Variants in NSA2 observed in about 807,000 individuals in gnomAD.
The protein encoded by NSA2 is NSA2 ribosome biogenesis factor.
Under a neutral mutation model 34.8 loss-of-function variants are expected in NSA2, and 18 were observed. The ratio of observed to expected loss-of-function variants is 0.52; its 90% confidence interval spans 0.36 to 0.77. NSA2 has a LOEUF of 0.77. NSA2 is among the 30% of genes least tolerant of loss of function. The pLI, the probability that NSA2 is intolerant of heterozygous loss-of-function variation, is 0.00. For missense variants in NSA2, 188 were observed against 314.7 expected (o/e 0.60, Z 3.05); for synonymous variants, 79 against 100.2 (o/e 0.79, Z 1.26).
rs1482206544 is a variant in NSA2 at position 74,778,885 on chromosome 5, G to C, written c.*2214G>C. On this transcript the variant is annotated 3_prime_UTR_variant, in exon 6 of 6. Transcript: ENST00000610426. Reference sequence around the variant, plus strand: ...ATCACATTTTCAGTCCTCTGTAATTGTGAAATTTTTTCTAATGCCTTGCAA... The same window carrying C: ...ATCACATTTTCAGTCCTCTGTAATTCTGAAATTTTTTCTAATGCCTTGCAA... 1 of 152,030 alleles carries C rather than the reference G, an allele frequency of 6.6e-6. No homozygotes were observed. Among genetic ancestry groups the C allele is most frequent in the Non-Finnish European group, 1.5e-5 (1 of 67,910 alleles). 9.4% of individuals were successfully genotyped at this position (152,030 alleles called of 1,614,324 possible).
rs1378867619 is a variant in NSA2 at position 74,776,849 on chromosome 5, A to AC, written c.*182dup. 3 of 458,160 alleles carry AC rather than the reference A, an allele frequency of 6.5e-6. No homozygotes were observed. Among genetic ancestry groups the AC allele is most frequent in the Admixed American group, 4.0e-5 (1 of 24,946 alleles). 28.4% of individuals were successfully genotyped at this position (458,160 alleles called of 1,614,324 possible). A position where few individuals can be genotyped will look rare whatever the true frequency, so the allele number is the denominator to read the frequency against. On this transcript the variant is annotated 3_prime_UTR_variant, in exon 6 of 6. Transcript: ENST00000610426. ...GGTCTTTATTTTGAAATACGCTTTG[A>AC]CCCCATGTTCATAAAACTGAATGAT...
chr5:74,774,145 C>T (rs1490898637), intron 5 of NSA2, 85 bp downstream of exon 5: 40 of 953,046 alleles, frequency 4.2e-5, no homozygotes, highest in Non-Finnish European at 5.8e-5. Flanking sequence ...ATAAAATATA[C>T]AGCAAATTTT....
intron 3 of NSA2, among the ~76,000 whole-genome samples, chr5:74,769,920 G>A (rs1448453395): frequency 1.3e-5 from 2 of 152,182 alleles, no homozygotes; most frequent in Admixed American, 6.5e-5. Flanking sequence ...TGAGGATTTT[G>A]TCTTGCTAGT....
intron 3 of NSA2, among the ~76,000 whole-genome samples, chr5:74,769,942 C>T (rs2314938): frequency 0.024 from 3,644 of 152,242 alleles, 145 homozygotes; most frequent in African/African-American, 0.084. Context: ...ATCTACAGAT[C>T]CATCTCGGGA....
rs1245892196 is a variant in NSA2 at position 74,778,997 on chromosome 5, G to A, written c.*2326G>A. ...ATTCTATACTCAAGTTACTGAACAT[G>A]AGAGTTAGGTTTTTCCAAGTGATCT... On this transcript the variant is annotated 3_prime_UTR_variant, in exon 6 of 6. Transcript: ENST00000610426. The A allele has an allele frequency of 6.6e-6, 1 of 152,262 alleles. No individual in the cohort carries two copies. Among genetic ancestry groups the A allele is most frequent in the Admixed American group, 6.5e-5 (1 of 15,304 alleles). The allele number at this position is 152,262 out of a possible 1,614,324, so 9.4% of individuals were successfully genotyped here.
At chr5:74,771,442 T>C (rs1190203066) in intron 4 of NSA2, 1 of 152,236 alleles carries the variant, frequency 6.6e-6, no homozygotes, top group Non-Finnish European at 1.5e-5. Flanking sequence ...TGCCTGATAT[T>C]GTCTAGGTCT....
At chr5:74,776,375 G>A (rs540994696) in intron 5 of NSA2, among the ~76,000 whole-genome samples, 3 of 152,264 alleles carry the variant, frequency 2.0e-5, no homozygotes, top group South Asian at 4.1e-4. Flanking sequence ...GCAGTGGCGT[G>A]TGCCTGTGGT....
At chr5:74,774,167 AGAG>A in intron 5 of NSA2, 107 bp downstream of exon 5, 1 of 688,192 alleles carries the variant, frequency 1.5e-6, no homozygotes, top group African/African-American at 1.8e-5. Flanking sequence ...TTAATGCAGT[AGAG>A]CTAAAACACT....
rs1008238040 is a variant in NSA2 at position 74,779,091 on chromosome 5, T to G, written c.*2420T>G. The G allele has an allele frequency of 6.6e-6, 1 of 152,120 alleles. No individual in the cohort carries two copies. Among genetic ancestry groups the G allele is most frequent in the Non-Finnish European group, 1.5e-5 (1 of 67,954 alleles). 9.4% of individuals were successfully genotyped at this position (152,120 alleles called of 1,614,324 possible). A position where few individuals can be genotyped will look rare whatever the true frequency, so the allele number is the denominator to read the frequency against. On this transcript the variant is annotated 3_prime_UTR_variant, in exon 6 of 6. Transcript: ENST00000610426. ...TGTCAGAGAGAATCTGTAACAGAAG[T>G]GTTCTTGTGTGCTGAACAAAAAACT...
chr5:74,775,120 G>A (rs1175647390), intron 5 of NSA2, among the ~76,000 whole-genome samples: 2 of 152,144 alleles, frequency 1.3e-5, no homozygotes, highest in African/African-American at 4.8e-5. Flanking sequence ...GGTGGCTGAG[G>A]CAGGAGAATC....
chr5:74,775,678 G>A (rs964974848), intron 5 of NSA2, among the ~76,000 whole-genome samples: 7 of 146,280 alleles, frequency 4.8e-5, no homozygotes, highest in African/African-American at 1.3e-4. Context: ...GGAAGCAGAT[G>A]CAAAGTTATA....
At chr5:74,772,376 C>T (rs1306978022) in intron 4 of NSA2, among the ~76,000 whole-genome samples, 1 of 152,154 alleles carries the variant, frequency 6.6e-6, no homozygotes, top group African/African-American at 2.4e-5. Context: ...GCCTTAGCCT[C>T]CCAAAGTGTT....
In NSA2 at chr5:74,767,381, G is replaced by C. The variant is rs1744713363; in HGVS notation, c.3+18G>C. On this transcript the variant is annotated intron_variant, in intron 1 of 5. Coordinates refer to ENST00000610426, the MANE Select transcript of NSA2 (RefSeq NM_014886.6). ...TCACCATGGTAAGGAGGATGCCTCG[G>C]ACGCTCGCGACACACAGCGTCTGAG... 1 of 1,612,488 alleles carries C rather than the reference G, an allele frequency of 6.2e-7. No individual in the cohort carries two copies. Among genetic ancestry groups the C allele is most frequent in the Middle Eastern group, 1.7e-4 (1 of 6,052 alleles).
rs550220203 is a variant in NSA2, at chr5:74,778,478, A to G, written c.*1807A>G. ...TGTAGGTAGTGTTCTGGAGTCTGCT[A>G]TAAGTAAATCTTTAATGACTAGATG... On this transcript the variant is annotated 3_prime_UTR_variant, in exon 6 of 6. Coordinates refer to ENST00000610426, the MANE Select transcript of NSA2 (RefSeq NM_014886.6). 5 of 152,140 alleles carry G rather than the reference A, an allele frequency of 3.3e-5. No individual in the cohort carries two copies. In the South Asian group the frequency reaches 6.2e-4, roughly 19 times the overall value. The allele number at this position is 152,140 out of a possible 1,614,324, so 9.4% of individuals were successfully genotyped here. A position where few individuals can be genotyped will look rare whatever the true frequency, so the allele number is the denominator to read the frequency against.
chr5:74,769,430 C>G (rs1026302658), intron 3 of NSA2, 66 bp downstream of exon 3: 11 of 1,336,926 alleles, frequency 8.2e-6, no homozygotes, highest in Non-Finnish European at 1.1e-5. Flanking sequence ...ATTTGAGGTT[C>G]TTGTTTCTCG....
chr5:74,767,864 G>C (rs897776898), intron 1 of NSA2, among the ~76,000 whole-genome samples: 47 of 152,190 alleles, frequency 3.1e-4, no homozygotes, highest in Admixed American at 5.2e-4. Flanking sequence ...TCTATAATCT[G>C]CGTTTCTTTG....
At position 74,777,449 on chromosome 5, in the gene NSA2, C is replaced by CAGTT. The variant is rs1745175932; in HGVS notation, c.*780_*783dup. 6.6e-6 allele frequency: 1 copy of CAGTT among 152,102 alleles called. No homozygotes were observed. The highest frequency in any genetic ancestry group is 2.4e-5 in the African/African-American group (1 of 41,442). The allele number at this position is 152,102 out of a possible 1,614,324, so 9.4% of individuals were successfully genotyped here. A position where few individuals can be genotyped will look rare whatever the true frequency, so the allele number is the denominator to read the frequency against. Reference sequence around the variant, plus strand: ...GATTCCCTGAGGAGAAATTTATTTGCAGTTACTTAGATGATGTAAAAAGGT... The same window carrying CAGTT: ...GATTCCCTGAGGAGAAATTTATTTGCAGTTAGTTACTTAGATGATGTAAAAAGGT... On this transcript the variant is annotated 3_prime_UTR_variant, in exon 6 of 6. Transcript: ENST00000610426.
rs1683274399 is a variant in NSA2 at position 74,769,378 on chromosome 5, A to G, written c.342+14A>G. 3.2e-6 allele frequency: 5 copies of G among 1,578,752 alleles called. No homozygotes were observed. Among genetic ancestry groups the G allele is most frequent in the East Asian group, 4.5e-5 (2 of 44,472 alleles). On this transcript the variant is annotated intron_variant, in intron 3 of 5. Coordinates refer to ENST00000610426, the MANE Select transcript of NSA2 (RefSeq NM_014886.6). ...AAAGAGAAGGCGGTAAGCAATAACA[A>G]TTGAAGTCTTTGTTTTGTTTAGGAG...
At chr5:74,772,839 T>C (rs1016486244) in intron 4 of NSA2, among the ~76,000 whole-genome samples, 2 of 151,738 alleles carry the variant, frequency 1.3e-5, no homozygotes, top group Non-Finnish European at 2.9e-5. Context: ...AAGAAACTGA[T>C]TTAGTGATTT....
Sources: allele counts gnomAD v4.1 joint callset (sites outside exome capture counted in the v4.1 genomes callset), GRCh38; gene constraint gnomAD v4.1.1; transcripts MANE v1.5; gene names NCBI Gene and HGNC (gene_info 2026-07-23, HGNC 2026-07-21).